The following LRBA variants were observed in gnomAD, a reference collection of about 807,000 sequenced individuals.
The protein encoded by LRBA is lipopolysaccharide-responsive and beige-like anchor protein.
A neutral mutation model predicts 330.0 loss-of-function variants in LRBA; 176 were observed. That is an observed-to-expected ratio of 0.53 (90% CI 0.47 to 0.60). The LOEUF is 0.60. LRBA is among the 20% of genes least tolerant of loss of function. The probability of loss-of-function intolerance (pLI) is 0.00; values close to 1 mark genes in which losing one functional copy is unlikely to be tolerated. For synonymous variants in LRBA, 1,230 were observed against 1,193.0 expected (o/e 1.03, Z -0.64); for missense variants, 3,259 against 3,444.8 (o/e 0.95, Z 1.35).
intron 37 of LRBA, among the ~76,000 whole-genome samples, chr4:150,662,246 A>G (rs1037867011): frequency 3.9e-5 from 6 of 152,200 alleles, no homozygotes; most frequent in Non-Finnish European, 8.8e-5. Context: ...ATAAAATTAA[A>G]CTTTTTAGAA....
At chr4:150,845,234 T>G (rs1465885072) in intron 26 of LRBA, among the ~76,000 whole-genome samples, 1 of 152,178 alleles carries the variant, frequency 6.6e-6, no homozygotes, top group Non-Finnish European at 1.5e-5. Context: ...GTAAATTAGT[T>G]AAACTGGAAA....
chr4:150,626,669 A>G (rs1198610948), intron 37 of LRBA, among the ~76,000 whole-genome samples: 6 of 152,158 alleles, frequency 3.9e-5, no homozygotes, highest in Non-Finnish European at 5.9e-5. Flanking sequence ...GAAATTAAAT[A>G]CATATGTAAA....
intron 40 of LRBA, among the ~76,000 whole-genome samples, chr4:150,570,899 A>G (rs1403577018): frequency 3.9e-5 from 6 of 152,182 alleles, no homozygotes; most frequent in Admixed American, 3.9e-4. Context: ...TTCTAATAAT[A>G]CAGAGTGTCA....
chr4:150,570,995 T>A (rs1769772445), intron 40 of LRBA, among the ~76,000 whole-genome samples: 2 of 152,136 alleles, frequency 1.3e-5, no homozygotes. Context: ...TCCCTCTATA[T>A]GCTGTAGCAG....
chr4:150,423,246 G>A, intron 46 of LRBA: 2 of 1,206,622 alleles, frequency 1.7e-6, no homozygotes, highest in East Asian at 2.3e-5. Context: ...AACAAGAGCT[G>A]ACACGCAGCC....
At chr4:150,360,683 C>T (rs998482903) in intron 47 of LRBA, among the ~76,000 whole-genome samples, 11 of 152,208 alleles carry the variant, frequency 7.2e-5, no homozygotes, top group African/African-American at 2.7e-4. Flanking sequence ...TACGAAGTAA[C>T]TGCCAGACTA....
intron 29 of LRBA, among the ~76,000 whole-genome samples, chr4:150,830,464 GT>G (rs1174293935): frequency 6.6e-6 from 1 of 152,162 alleles, no homozygotes; most frequent in African/African-American, 2.4e-5. Context: ...CAGCTCAGCT[GT>G]TTTAGTCAGT....
At chr4:150,905,780 C>T (rs1731261073) in intron 13 of LRBA, 58 bp downstream of exon 13, 2 of 1,429,682 alleles carry the variant, frequency 1.4e-6, no homozygotes, top group East Asian at 4.6e-5. Flanking sequence ...TATCACTCTC[C>T]TCACGCACAA....
Position 150,378,909 on chromosome 4 carries a change from AT to A in LRBA, c.7195-28751del, listed in dbSNP as rs1242346235. On this transcript the variant is annotated intron_variant, in intron 47 of 56. Transcript: ENST00000651943. ...ACTAAAATGATTTCTTAGCTATTTT[AT>A]ACTATTATTTATGTAATAATAATTT... is the stretch of plus-strand genomic sequence containing the variant. 3.3e-5 allele frequency among the ~76,000 whole-genome samples: 5 copies of A among 152,346 alleles called. No homozygotes were observed. The East Asian group carries it at 7.7e-4, about 23-fold the overall frequency.
intron 37 of LRBA, among the ~76,000 whole-genome samples, chr4:150,661,525 C>T (rs1781106440): frequency 6.8e-6 from 1 of 147,122 alleles, no homozygotes. Flanking sequence ...ATAAAAAAAA[C>T]TTTTATGTCC....
chr4:150,668,133 G>A (rs1781727055), intron 37 of LRBA, among the ~76,000 whole-genome samples: 1 of 152,146 alleles, frequency 6.6e-6, no homozygotes, highest in Admixed American at 6.5e-5. Context: ...TGGAAGTTTG[G>A]GTATGGGAGA....
chr4:150,689,744 G>A (rs1171713886), intron 36 of LRBA, among the ~76,000 whole-genome samples: 5 of 152,042 alleles, frequency 3.3e-5, no homozygotes, highest in African/African-American at 1.2e-4. Flanking sequence ...TGGGCAACAT[G>A]GTGAAACCCC....
intron 48 of LRBA, among the ~76,000 whole-genome samples, chr4:150,339,508 T>G (rs1330441948): frequency 6.6e-6 from 1 of 152,024 alleles, no homozygotes; most frequent in Admixed American, 6.5e-5. Flanking sequence ...GGAGAAAGAG[T>G]TGTGTTTGGC....
chr4:150,371,833 A>T (rs1046005978), intron 47 of LRBA, among the ~76,000 whole-genome samples: 2 of 152,186 alleles, frequency 1.3e-5, no homozygotes, highest in Non-Finnish European at 2.9e-5. Context: ...CTATCCTAAA[A>T]ATATTTCCTC....
chr4:150,452,684 A>T (rs1475644285), intron 44 of LRBA, among the ~76,000 whole-genome samples: 1 of 152,038 alleles, frequency 6.6e-6, no homozygotes, highest in African/African-American at 2.4e-5. Flanking sequence ...AAAAGCCTAT[A>T]GCTAACATCA....
chr4:150,423,348 G>T, intron 46 of LRBA: 1 of 685,772 alleles, frequency 1.5e-6, no homozygotes, highest in Non-Finnish European at 2.6e-6. Context: ...GTGAGGAGGC[G>T]TCAAGGGTCT....
intron 40 of LRBA, chr4:150,584,431 CCT>C (rs1433316376): frequency 7.7e-6 from 1 of 130,372 alleles, no homozygotes; most frequent in African/African-American, 3.2e-5. Context: ...AGTTCCCCCC[CCT>C]TTTCCTTCTT....
chr4:150,404,872 T>C (rs1168158236), intron 47 of LRBA, among the ~76,000 whole-genome samples: 1 of 152,230 alleles, frequency 6.6e-6, no homozygotes, highest in African/African-American at 2.4e-5. Flanking sequence ...TTATTTTATT[T>C]GGCTTGTATC....
intron 48 of LRBA, among the ~76,000 whole-genome samples, chr4:150,331,617 A>AT (rs557786920): frequency 3.3e-5 from 5 of 152,004 alleles, no homozygotes; most frequent in South Asian, 2.1e-4. Flanking sequence ...TAAACAATTT[A>AT]TTTTTTTTAA....
Sources: gnomAD v4.1 joint callset for allele counts (sites outside exome capture counted in the v4.1 genomes callset) on GRCh38, gnomAD v4.1.1 for gene constraint, MANE v1.5 for transcripts, NCBI Gene and HGNC (gene_info 2026-07-23, HGNC 2026-07-21) for gene names.